The following GLB1 variants were observed in gnomAD, a reference collection of about 807,000 sequenced individuals.
GLB1 encodes beta-galactosidase.
GLB1 carries 56 observed loss-of-function variants against 74.0 expected under a neutral mutation model. The observed-to-expected ratio is 0.76, with a 90% CI of 0.61 to 0.94. The LOEUF is 0.94. GLB1 is among the 40% of genes least tolerant of loss of function. The probability of loss-of-function intolerance (pLI) is 0.00; values close to 1 mark genes in which losing one functional copy is unlikely to be tolerated. For synonymous variants in GLB1, 323 were observed against 323.6 expected (o/e 1.00, Z 0.02); for missense variants, 787 against 845.5 (o/e 0.93, Z 0.86).
intron 15 of GLB1, among the ~76,000 whole-genome samples, chr3:33,005,064 C>G (rs1696730791): frequency 6.6e-6 from 1 of 152,102 alleles, no homozygotes; most frequent in Non-Finnish European, 1.5e-5. Flanking sequence ...TTTGGGCACG[C>G]AAGTCAGGAG....
the GLB1 span, among the ~76,000 whole-genome samples, chr3:32,963,199 T>C: frequency 6.6e-6 from 1 of 151,844 alleles, no homozygotes; most frequent in African/African-American, 2.4e-5. Context: ...CAATAAACTA[T>C]TTATTCAGAA....
chr3:33,022,563 G>GTTTTTTTTTTTTTTT (rs1380045437), intron 11 of GLB1, among the ~76,000 whole-genome samples: 29 of 15,296 alleles, frequency 1.9e-3, no homozygotes, highest in South Asian at 0.012. Flanking sequence ...TACTGGTTAG[G>GTTTTTTTTTTTTTTT]ATTTTTTTTT....
intron 15 of GLB1, among the ~76,000 whole-genome samples, chr3:33,011,638 C>CAA (rs11342344): frequency 2.2e-3 from 182 of 83,932 alleles, no homozygotes; most frequent in Middle Eastern, 0.012. Context: ...GAGTCCATCT[C>CAA]AAAAAAAAAA....
At chr3:33,085,538 C>A (rs1470221555) in intron 1 of GLB1, among the ~76,000 whole-genome samples, 1 of 152,042 alleles carries the variant, frequency 6.6e-6, no homozygotes, top group Non-Finnish European at 1.5e-5. Context: ...CCCAAAGACA[C>A]AGTTTGGAAA....
At position 32,997,309 on chromosome 3, in the gene GLB1, GC is replaced by G; in HGVS notation, c.1769del (p.Arg590ProfsTer10). The G allele has an allele frequency of 6.2e-7, 1 of 1,613,954 alleles. No individual in the cohort carries two copies. Among genetic ancestry groups the G allele is most frequent in the Non-Finnish European group, 8.5e-7 (1 of 1,180,026 alleles). On this transcript the variant is annotated frameshift_variant, in exon 16 of 16. Coordinates refer to ENST00000307363, the MANE Select transcript of GLB1 (RefSeq NM_000404.4). LOFTEE classifies it low-confidence loss of function (END_TRUNC). Reference protein sequence around the residue: ...QVWINGFNLGRYWPARGPQLT... With the variant: ...QVWINGFNLGXYWPARGPQLT... ...ACTGAGGGCCCCGGGCTGGCCAATA[GC>G]GGCCAAGGTTAAAGCCATTAATCCA...
In GLB1 at chr3:33,058,240, G is replaced by A; in HGVS notation, c.582C>T (p.Ala194=). ...GGAAGCGCAGGTAGTCAAAATCACA[G>A]GCAAAGTAGCTGCCATATTCATTTT... ...QVENEYGSYF[A]CDFDYLRFLQ... Residue 194 remains alanine, a synonymous_variant, in exon 6 of 16, where the codon GCC becomes GCT. Transcript: ENST00000307363. 6.2e-7 allele frequency: 1 copy of A among 1,614,120 alleles called. No homozygotes were observed. The highest frequency in any genetic ancestry group is 8.5e-7 in the Non-Finnish European group (1 of 1,180,028).
chr3:33,086,615 G>A (rs979479995), intron 1 of GLB1, among the ~76,000 whole-genome samples: 6 of 152,114 alleles, frequency 3.9e-5, no homozygotes, highest in Non-Finnish European at 8.8e-5. Flanking sequence ...CCCAAAAAGC[G>A]AAAAAGTTGA....
chr3:33,008,078 A>G (rs1242573312), intron 15 of GLB1, among the ~76,000 whole-genome samples: 2 of 152,216 alleles, frequency 1.3e-5, no homozygotes, highest in Non-Finnish European at 2.9e-5. Flanking sequence ...CGCCTGGGTC[A>G]GTAACTCTTG....
At chr3:33,077,955 A>G (rs1432854649) in intron 1 of GLB1, among the ~76,000 whole-genome samples, 4 of 152,108 alleles carry the variant, frequency 2.6e-5, no homozygotes, top group East Asian at 1.9e-4. Flanking sequence ...TTTGTTGTAC[A>G]TAGTTGTTAA....
At chr3:33,077,537 C>G (rs1451536415) in intron 1 of GLB1, 2 of 703,098 alleles carry the variant, frequency 2.8e-6, no homozygotes, top group East Asian at 4.8e-5. Flanking sequence ...CTTTACAGAC[C>G]AAGATCACAT....
rs535250538 is a variant in GLB1, at chr3:33,048,117, T to C, written c.956-1885A>G. Among the ~76,000 whole-genome samples, 230 of 152,248 alleles carry C rather than the reference T, an allele frequency of 1.5e-3. 2 individuals are homozygous for C. The highest frequency in any genetic ancestry group is 5.5e-3 in the African/African-American group (227 of 41,504). ...CTCAGGGGCAGAGACTGTGCCTCAC[T>C]TGCCCTTGAGTCCTTAGCCAGAGCC... On this transcript the variant is annotated intron_variant, in intron 9 of 15. Coordinates refer to ENST00000307363, the MANE Select transcript of GLB1 (RefSeq NM_000404.4).
chr3:33,034,207 C>G, intron 10 of GLB1: 1 of 640,466 alleles, frequency 1.6e-6, no homozygotes, highest in Non-Finnish European at 2.9e-6. Context: ...TCCCCCATGA[C>G]TACGGCCTGA....
chr3:33,091,325 G>C (rs1700750824), intron 1 of GLB1: 1 of 985,406 alleles, frequency 1.0e-6, no homozygotes, highest in Non-Finnish European at 1.2e-6. Context: ...CTATACACCA[G>C]GAGGACAAGG....
At chr3:33,009,190 G>A (rs183635640) in intron 15 of GLB1, among the ~76,000 whole-genome samples, 267 of 150,090 alleles carry the variant, frequency 1.8e-3, no homozygotes, top group African/African-American at 6.2e-3. Context: ...CTTGGTAGAG[G>A]AAGAACTGCA....
At chr3:32,973,110 T>C in the GLB1 span, among the ~76,000 whole-genome samples, 1 of 152,236 alleles carries the variant, frequency 6.6e-6, no homozygotes, top group Non-Finnish European at 1.5e-5. Context: ...AAAAGGTAAC[T>C]TAACTCTTTG....
chr3:32,984,199 A>G, the GLB1 span, among the ~76,000 whole-genome samples: 2 of 152,082 alleles, frequency 1.3e-5, no homozygotes, highest in South Asian at 4.2e-4. Flanking sequence ...ACAACCTATC[A>G]GGGATGGGTT....
rs776773620 is a variant in GLB1, at chr3:32,997,264, C to T, written c.1815G>A (p.Gln605=). 43 of 1,614,072 alleles carry T rather than the reference C, an allele frequency of 2.7e-5. No homozygotes were observed. In the South Asian group the frequency reaches 4.6e-4, roughly 17 times the overall value. ...RGPQLTLFVP[Q]HILMTSAPNT... is the part of the protein sequence containing the mutation. ...TTGGGGCCGAGGTCATCAGGATGTG[C>T]TGGGGCACAAACAAGGTCAACTGAG... The change falls in exon 16 of 16, where the codon CAG becomes CAA. Residue 605 remains glutamine, a synonymous_variant. Transcript: ENST00000307363.
At chr3:33,068,719 C>A in intron 3 of GLB1, 101 bp downstream of exon 3, 1 of 1,601,010 alleles carries the variant, frequency 6.2e-7, no homozygotes. Flanking sequence ...TCCCAGGCCC[C>A]ATGCTCTCTG....
chr3:33,059,765 A>G (rs1322891221), intron 5 of GLB1, among the ~76,000 whole-genome samples: 3 of 152,246 alleles, frequency 2.0e-5, no homozygotes, highest in African/African-American at 7.2e-5. Context: ...GTGATTCATC[A>G]TACTGCGCAT....
Sources: allele counts gnomAD v4.1 joint callset (sites outside exome capture counted in the v4.1 genomes callset), GRCh38; gene constraint gnomAD v4.1.1; transcripts MANE v1.5; gene names NCBI Gene and HGNC (gene_info 2026-07-23, HGNC 2026-07-21).